DYNC1I1: variants seen among roughly 807,000 people sequenced by gnomAD.
DYNC1I1 encodes cytoplasmic dynein 1 intermediate chain 1.
DYNC1I1 carries 43 observed loss-of-function variants against 86.6 expected under a neutral mutation model. The ratio of observed to expected loss-of-function variants is 0.50; its 90% CI spans 0.39 to 0.64. The LOEUF is 0.64. Among genes scored for constraint, DYNC1I1 ranks in the 30% least tolerant of loss-of-function variants. The pLI is 0.00. For synonymous variants in DYNC1I1, 262 were observed against 283.7 expected (o/e 0.92, Z 0.77); for missense variants, 604 against 788.8 (o/e 0.77, Z 2.81).
At chr7:95,882,683 T>C (rs1258598362) in intron 6 of DYNC1I1, among the ~76,000 whole-genome samples, 1 of 152,212 alleles carries the variant, frequency 6.6e-6, no homozygotes, top group Non-Finnish European at 1.5e-5. Context: ...TGCTTAAATT[T>C]AACCCAGATC....
chr7:95,828,850 T>G (rs2115929514), intron 5 of DYNC1I1, among the ~76,000 whole-genome samples: 2 of 152,240 alleles, frequency 1.3e-5, no homozygotes, highest in East Asian at 3.9e-4. Context: ...CAGGAGATAT[T>G]ACTGGTGGGG....
intron 1 of DYNC1I1, among the ~76,000 whole-genome samples, chr7:95,786,835 G>A (rs1584221254): frequency 2.0e-5 from 3 of 151,898 alleles, no homozygotes; most frequent in Admixed American, 2.0e-4. Context: ...GGAGCAGTGG[G>A]GAGAAATGCG....
chr7:95,990,665 A>G (rs1211463274), intron 9 of DYNC1I1, among the ~76,000 whole-genome samples: 1 of 151,006 alleles, frequency 6.6e-6, no homozygotes, highest in Non-Finnish European at 1.5e-5. Context: ...AAGTTTCTTC[A>G]TTCATGAAAT....
chr7:95,926,649 ATC>A (rs1003283271), intron 6 of DYNC1I1, among the ~76,000 whole-genome samples: 2 of 152,106 alleles, frequency 1.3e-5, no homozygotes, highest in Non-Finnish European at 2.9e-5. Context: ...AATTTTCCTC[ATC>A]TCTCTATACG....
At chr7:95,985,514 A>G (rs1342387355) in intron 8 of DYNC1I1, among the ~76,000 whole-genome samples, 1 of 152,222 alleles carries the variant, frequency 6.6e-6, no homozygotes, top group Non-Finnish European at 1.5e-5. Flanking sequence ...AAACTAATCA[A>G]TAAAAGCAAG....
At chr7:95,778,866 T>C (rs1793913730) in intron 1 of DYNC1I1, among the ~76,000 whole-genome samples, 1 of 152,058 alleles carries the variant, frequency 6.6e-6, no homozygotes, top group Admixed American at 6.6e-5. Context: ...AGTCTTGCTG[T>C]GTTGCCCAGG....
intron 5 of DYNC1I1, among the ~76,000 whole-genome samples, chr7:95,840,461 A>G (rs1175782910): frequency 1.3e-5 from 2 of 152,138 alleles, no homozygotes; most frequent in Admixed American, 6.5e-5. Context: ...CAAGATTCTC[A>G]CATTGTTCAT....
At chr7:95,836,114 T>C (rs988156462) in intron 5 of DYNC1I1, among the ~76,000 whole-genome samples, 31 of 152,324 alleles carry the variant, frequency 2.0e-4, no homozygotes, top group African/African-American at 7.2e-4. Context: ...CTGGTACCAA[T>C]TGTTCCTTTC....
At chr7:95,938,476 C>T (rs1792109749) in intron 6 of DYNC1I1, among the ~76,000 whole-genome samples, 1 of 152,168 alleles carries the variant, frequency 6.6e-6, no homozygotes, top group Admixed American at 6.5e-5. Context: ...AGGATAATCA[C>T]ATATGGCATT....
chr7:96,083,424 C>T (rs1790581109), intron 16 of DYNC1I1, among the ~76,000 whole-genome samples: 2 of 147,080 alleles, frequency 1.4e-5, no homozygotes, highest in African/African-American at 5.4e-5. Context: ...AATGACTTCC[C>T]TACATCTGAG....
chr7:95,840,405 T>G (rs1388073842), intron 5 of DYNC1I1, among the ~76,000 whole-genome samples: 1 of 152,154 alleles, frequency 6.6e-6, no homozygotes, highest in Non-Finnish European at 1.5e-5. Context: ...ATTCTTCAGG[T>G]CTATTATTTC....
chr7:95,842,774 T>C (rs958637864), intron 5 of DYNC1I1, among the ~76,000 whole-genome samples: 5 of 152,242 alleles, frequency 3.3e-5, no homozygotes, highest in African/African-American at 1.2e-4. Context: ...GATTCATGTA[T>C]AGCTGTTTAT....
intron 14 of DYNC1I1, among the ~76,000 whole-genome samples, chr7:96,054,140 C>T (rs1484308973): frequency 6.6e-6 from 1 of 152,156 alleles, no homozygotes; most frequent in Non-Finnish European, 1.5e-5. Flanking sequence ...TCCCCTAGCC[C>T]CTCACCCCGC....
intron 9 of DYNC1I1, among the ~76,000 whole-genome samples, chr7:95,989,969 C>G (rs558180554): frequency 6.6e-6 from 1 of 152,172 alleles, no homozygotes; most frequent in East Asian, 1.9e-4. Context: ...GATAGAGGAA[C>G]AGTCTTGGTG....
chr7:95,939,613 T>G (rs319292), intron 6 of DYNC1I1, among the ~76,000 whole-genome samples: 95,020 of 148,192 alleles, frequency 0.64, 32,038 homozygotes, highest in East Asian at 0.86. Flanking sequence ...GAGACTAGGA[T>G]TGCAACCCCT....
intron 14 of DYNC1I1, among the ~76,000 whole-genome samples, chr7:96,051,005 A>G (rs957153564): frequency 2.0e-5 from 3 of 152,132 alleles, no homozygotes; most frequent in Admixed American, 1.3e-4. Flanking sequence ...GCTGGAGCTG[A>G]TGCTCAGAAA....
At chr7:96,019,717 C>T (rs1794494736) in intron 10 of DYNC1I1, among the ~76,000 whole-genome samples, 2 of 151,964 alleles carry the variant, frequency 1.3e-5, no homozygotes, top group Admixed American at 6.6e-5. Context: ...AATAGTTAAA[C>T]CACGTAAGAA....
At chr7:96,077,239 TTGTGTGTGTGTGTGTG>T (rs3047672) in intron 15 of DYNC1I1, among the ~76,000 whole-genome samples, 5 of 144,536 alleles carry the variant, frequency 3.5e-5, no homozygotes, top group South Asian at 4.5e-4. Flanking sequence ...TCCCTAGTAT[TTGTGTGTGTGTGTGTG>T]TGTGTGTGTG....
chr7:95,844,608 A>G (rs1233008240), intron 5 of DYNC1I1, among the ~76,000 whole-genome samples: 1 of 151,830 alleles, frequency 6.6e-6, no homozygotes, highest in African/African-American at 2.4e-5. Flanking sequence ...GGGGGGTTAG[A>G]GGAATGGGTT....
Sources: allele counts gnomAD v4.1 joint callset (sites outside exome capture counted in the v4.1 genomes callset), GRCh38; gene constraint gnomAD v4.1.1; transcripts MANE v1.5; gene names NCBI Gene and HGNC (gene_info 2026-07-23, HGNC 2026-07-21).